Variants in TXNL1 observed in about 807,000 individuals in gnomAD.
The protein encoded by TXNL1 is thioredoxin like 1.
Under a neutral mutation model 35.5 loss-of-function variants are expected in TXNL1, and 14 were observed. The ratio of observed to expected loss-of-function variants is 0.39; its 90% CI spans 0.26 to 0.62. The LOEUF is 0.62. Among genes scored for constraint, TXNL1 ranks in the 20% least tolerant of loss-of-function variants. The pLI is 0.47. For missense variants in TXNL1, 263 were observed against 349.7 expected (o/e 0.75, Z 1.98); for synonymous variants, 110 against 115.5 (o/e 0.95, Z 0.31).
At chr18:56,615,107 A>T (rs891147716) in intron 5 of TXNL1, among the ~76,000 whole-genome samples, 1 of 152,180 alleles carries the variant, frequency 6.6e-6, no homozygotes, top group East Asian at 1.9e-4. Context: ...AAAATTGCCA[A>T]ATTTCATTTT....
intron 4 of TXNL1, 122 bp downstream of exon 4, chr18:56,617,882 G>A (rs1266491289): frequency 7.8e-7 from 1 of 1,274,726 alleles, no homozygotes; most frequent in East Asian, 2.4e-5. Flanking sequence ...AAAAGCTATA[G>A]AAATGAAAGG....
At chr18:56,617,965 G>C (rs200724181) in intron 4 of TXNL1, 39 bp downstream of exon 4, 36 of 1,609,346 alleles carry the variant, frequency 2.2e-5, no homozygotes, top group Non-Finnish European at 3.1e-5. Context: ...GGCATAAATA[G>C]TGATAATCTC....
At chr18:56,607,923 C>T (rs1026522740) in intron 7 of TXNL1, among the ~76,000 whole-genome samples, 3 of 152,092 alleles carry the variant, frequency 2.0e-5, no homozygotes, top group African/African-American at 4.8e-5. Flanking sequence ...GCTTAACTGC[C>T]CCACACTTAA....
intron 1 of TXNL1, among the ~76,000 whole-genome samples, chr18:56,638,055 G>A (rs2024485160): frequency 6.6e-6 from 1 of 152,210 alleles, no homozygotes; most frequent in Non-Finnish European, 1.5e-5. Context: ...AGGAATAGGG[G>A]CGGGCCACCC....
chr18:56,621,584 A>G (rs1193231110), intron 3 of TXNL1, among the ~76,000 whole-genome samples: 1 of 152,234 alleles, frequency 6.6e-6, no homozygotes, highest in Non-Finnish European at 1.5e-5. Context: ...CATAGTTGAC[A>G]TAACTGGAAA....
chr18:56,638,474 C>T lies in TXNL1; in HGVS notation c.-34G>A, dbSNP rs1393330785. 5 of 1,596,122 alleles carry T rather than the reference C, an allele frequency of 3.1e-6. No homozygotes were observed. The highest frequency in any genetic ancestry group is 4.3e-6 in the Non-Finnish European group (5 of 1,169,174). On this transcript the variant is annotated 5_prime_UTR_variant, in exon 1 of 8. Coordinates refer to ENST00000217515, the MANE Select transcript of TXNL1 (RefSeq NM_004786.3). Reference sequence around the variant, plus strand: ...AGAGCCCGGCAGGGTGGCCGCGACGCCACTGGCTTTGAAACTGAAGGAGAA... The same window carrying T: ...AGAGCCCGGCAGGGTGGCCGCGACGTCACTGGCTTTGAAACTGAAGGAGAA...
At chr18:56,638,252 A>C in intron 1 of TXNL1, 91 bp downstream of exon 1, 1 of 1,353,580 alleles carries the variant, frequency 7.4e-7, no homozygotes, top group Non-Finnish European at 1.0e-6. Context: ...ACTCCGGGGC[A>C]GCAGACGGCT....
rs575439704 is a variant in TXNL1, at chr18:56,603,986, C to T, written c.841-930G>A. ...GCAAAACTCATAAAGGTCATCAGTA[C>T]ATGTCTGGTCTAAAATATAACATAG... On this transcript the variant is annotated intron_variant, in intron 7 of 7. Coordinates refer to ENST00000217515, the MANE Select transcript of TXNL1 (RefSeq NM_004786.3). 2.6e-5 allele frequency among the ~76,000 whole-genome samples: 4 copies of T among 152,294 alleles called. No individual in the cohort carries two copies. The East Asian group carries it at 7.7e-4, about 29-fold the overall frequency.
chr18:56,637,259 T>C (rs1568111925), intron 1 of TXNL1, among the ~76,000 whole-genome samples: 1 of 152,230 alleles, frequency 6.6e-6, no homozygotes, highest in African/African-American at 2.4e-5. Flanking sequence ...ACTTTGTTTT[T>C]TGCTCTGAAA....
intron 1 of TXNL1, among the ~76,000 whole-genome samples, chr18:56,635,759 T>C (rs2024445637): frequency 6.6e-6 from 1 of 152,150 alleles, no homozygotes; most frequent in Admixed American, 6.5e-5. Flanking sequence ...TATAGTCATG[T>C]CTGGGTATCT....
At chr18:56,607,386 G>A (rs2023916822) in intron 7 of TXNL1, among the ~76,000 whole-genome samples, 1 of 151,632 alleles carries the variant, frequency 6.6e-6, no homozygotes, top group African/African-American at 2.4e-5. Context: ...TGAACTCCTG[G>A]GTTTAAGTGA....
At chr18:56,604,918 A>C (rs2023864961) in intron 7 of TXNL1, among the ~76,000 whole-genome samples, 1 of 152,208 alleles carries the variant, frequency 6.6e-6, no homozygotes, top group Non-Finnish European at 1.5e-5. Flanking sequence ...TAAAGTTTAG[A>C]ATGGATTAAA....
chr18:56,626,541 A>C, intron 1 of TXNL1, 84 bp from the exon 2 acceptor site: 5 of 1,147,386 alleles, frequency 4.4e-6, no homozygotes, highest in Non-Finnish European at 5.0e-6. Flanking sequence ...AATAGAACAA[A>C]CACTGATACT....
At chr18:56,623,050 C>T (rs1204980400) in intron 3 of TXNL1, among the ~76,000 whole-genome samples, 5 of 151,844 alleles carry the variant, frequency 3.3e-5, no homozygotes, top group Admixed American at 2.0e-4. Flanking sequence ...TCTCTTCATT[C>T]GGCATGAATT....
Position 56,614,433 on chromosome 18 carries a change from G to A in TXNL1, c.726C>T (p.Asn242=). 2 of 1,613,258 alleles carry A rather than the reference G, an allele frequency of 1.2e-6. No homozygotes were observed. The highest frequency in any genetic ancestry group is 1.7e-6 in the Non-Finnish European group (2 of 1,179,678). ...ACGAAATACTACTTACAGTTACACT[G>A]TTAACATTCTGAAACTTAACATAAC... ...PLRYVKFQNV[N]SVTIFVQSNQ... The change falls in exon 6 of 8, where the codon AAC becomes AAT. Residue 242 remains asparagine (N), a synonymous_variant. Coordinates refer to ENST00000217515, the MANE Select transcript of TXNL1 (RefSeq NM_004786.3).
intron 1 of TXNL1, among the ~76,000 whole-genome samples, chr18:56,629,802 C>T (rs183764460): frequency 6.6e-6 from 1 of 152,136 alleles, no homozygotes; most frequent in African/African-American, 2.4e-5. Flanking sequence ...AACCACCCTC[C>T]TGCAAAAACA....
chr18:56,618,382 T>C (rs1245191420), intron 3 of TXNL1, among the ~76,000 whole-genome samples: 2 of 152,234 alleles, frequency 1.3e-5, no homozygotes, highest in African/African-American at 4.8e-5. Flanking sequence ...TGTTGACTTA[T>C]ACTTTAAAAA....
chr18:56,618,842 T>C (rs1194475552), intron 3 of TXNL1, among the ~76,000 whole-genome samples: 1 of 152,064 alleles, frequency 6.6e-6, no homozygotes, highest in Non-Finnish European at 1.5e-5. Context: ...TCCTCCACTG[T>C]CTCATAAATA....
chr18:56,615,376 T>A (rs2024067175), intron 5 of TXNL1, among the ~76,000 whole-genome samples: 1 of 128,466 alleles, frequency 7.8e-6, no homozygotes. Flanking sequence ...CTTGGTTATT[T>A]CTTCCAATCA....
Sources: gnomAD v4.1 joint callset for allele counts (sites outside exome capture counted in the v4.1 genomes callset) on GRCh38, gnomAD v4.1.1 for gene constraint, MANE v1.5 for transcripts, NCBI Gene and HGNC (gene_info 2026-07-23, HGNC 2026-07-21) for gene names.